GRIK1: variants seen among roughly 807,000 people sequenced by gnomAD.
GRIK1 encodes the protein glutamate receptor ionotropic, kainate 1.
GRIK1 carries 69 observed loss-of-function variants against 105.7 expected under a neutral mutation model. The ratio of observed to expected loss-of-function variants is 0.65; its 90% confidence interval spans 0.54 to 0.80. The LOEUF (loss-of-function observed/expected upper bound fraction) is 0.80. Among genes scored for constraint, GRIK1 ranks in the 30% least tolerant of loss-of-function variants. The probability of loss-of-function intolerance (pLI) is 0.00; values close to 1 mark genes in which losing one functional copy is unlikely to be tolerated. For missense variants in GRIK1, 1,109 were observed against 1,167.3 expected (o/e 0.95, Z 0.73); for synonymous variants, 438 against 431.3 (o/e 1.02, Z -0.19).
intron 16 of GRIK1, among the ~76,000 whole-genome samples, chr21:29,545,751 A>C (rs1308405962): frequency 6.6e-6 from 1 of 152,164 alleles, no homozygotes; most frequent in Non-Finnish European, 1.5e-5. Context: ...TCGGGGTACC[A>C]GTTTATGCCT....
chr21:29,880,480 A>G (rs2069366680), intron 1 of GRIK1, among the ~76,000 whole-genome samples: 1 of 152,148 alleles, frequency 6.6e-6, no homozygotes, highest in Non-Finnish European at 1.5e-5. Context: ...AGATGTTTTT[A>G]GGTTTGAATT....
At chr21:29,776,492 T>TTATG (rs2065946662) in intron 1 of GRIK1, among the ~76,000 whole-genome samples, 1 of 152,200 alleles carries the variant, frequency 6.6e-6, no homozygotes, top group Admixed American at 6.5e-5. Flanking sequence ...CAATTTTTAT[T>TTATG]TATGGAGTTG....
At chr21:29,605,763 A>G (rs1400723701) in intron 7 of GRIK1, among the ~76,000 whole-genome samples, 1 of 152,124 alleles carries the variant, frequency 6.6e-6, no homozygotes, top group East Asian at 1.9e-4. Flanking sequence ...AAGAATGTAA[A>G]TCCTCCCTTC....
At chr21:29,871,910 TGCTCCAGCATGCCTG>T (rs2146138703) in intron 1 of GRIK1, among the ~76,000 whole-genome samples, 1 of 151,684 alleles carries the variant, frequency 6.6e-6, no homozygotes, top group Non-Finnish European at 1.5e-5. Context: ...ACAACAGGCA[TGCTCCAGCATGCCTG>T]GCTAATTTTT....
In GRIK1 at chr21:29,601,972, G is replaced by A. The variant is rs556429455; in HGVS notation, c.1099-3035C>T. ...TTTACTTTTCTGTCTTCTGTCACTC[G>A]TTTCTCTCTTTTAACCCATAATTTC... is the stretch of plus-strand genomic sequence containing the variant. On this transcript the variant is annotated intron_variant, in intron 7 of 17. Transcript: ENST00000327783. Among the ~76,000 whole-genome samples the A allele has an allele frequency of 2.5e-3, 374 of 152,014 alleles. 2 individuals are homozygous for A. Among genetic ancestry groups the A allele is most frequent in the African/African-American group, 7.9e-3 (327 of 41,460 alleles).
chr21:29,548,965 T>A (rs2090087637), intron 16 of GRIK1, among the ~76,000 whole-genome samples: 1 of 152,206 alleles, frequency 6.6e-6, no homozygotes, highest in Admixed American at 6.5e-5. Flanking sequence ...AGAAGCAAAC[T>A]TATTAGGAAA....
intron 1 of GRIK1, among the ~76,000 whole-genome samples, chr21:29,874,716 T>C (rs1482827614): frequency 1.3e-5 from 2 of 152,180 alleles, no homozygotes; most frequent in African/African-American, 4.8e-5. Flanking sequence ...GCAGTAATTC[T>C]GTATGTGGAG....
intron 10 of GRIK1, among the ~76,000 whole-genome samples, chr21:29,589,326 G>T (rs1268198457): frequency 6.6e-6 from 1 of 152,096 alleles, no homozygotes; most frequent in Non-Finnish European, 1.5e-5. Flanking sequence ...TTAAATGTTG[G>T]GTCTGAGAAG....
chr21:29,927,142 C>T (rs956350204), intron 1 of GRIK1, among the ~76,000 whole-genome samples: 1 of 152,038 alleles, frequency 6.6e-6, no homozygotes, highest in Non-Finnish European at 1.5e-5. Flanking sequence ...ATTGCCTTGC[C>T]CAGTTATTCG....
At chr21:29,560,014 G>A (rs1165196767) in intron 15 of GRIK1, among the ~76,000 whole-genome samples, 4 of 152,068 alleles carry the variant, frequency 2.6e-5, no homozygotes, top group Admixed American at 2.0e-4. Flanking sequence ...GCCTCTGTAA[G>A]CATTTTAGTT....
At chr21:29,663,374 G>A (rs886576766) in intron 4 of GRIK1, among the ~76,000 whole-genome samples, 2 of 152,154 alleles carry the variant, frequency 1.3e-5, no homozygotes, top group African/African-American at 4.8e-5. Context: ...CTGTCTACCC[G>A]TGAGGGAGCC....
intron 1 of GRIK1, among the ~76,000 whole-genome samples, chr21:29,714,559 C>T (rs1007236129): frequency 6.6e-6 from 1 of 152,088 alleles, no homozygotes; most frequent in Non-Finnish European, 1.5e-5. Flanking sequence ...TTTGGCTTCA[C>T]CAAGAGTAGG....
chr21:29,661,276 G>T (rs1233217618), intron 4 of GRIK1, among the ~76,000 whole-genome samples: 2 of 152,188 alleles, frequency 1.3e-5, no homozygotes, highest in African/African-American at 2.4e-5. Context: ...CCAAATAATG[G>T]TTCTCTAAAG....
intron 7 of GRIK1, among the ~76,000 whole-genome samples, chr21:29,618,882 C>A (rs1440653188): frequency 6.6e-6 from 1 of 152,174 alleles, no homozygotes; most frequent in Non-Finnish European, 1.5e-5. Flanking sequence ...AATCCCAGCA[C>A]TTTGGGAGGC....
chr21:29,782,096 T>G (rs989778898), intron 1 of GRIK1, among the ~76,000 whole-genome samples: 11 of 150,910 alleles, frequency 7.3e-5, no homozygotes, highest in Non-Finnish European at 1.3e-4. Context: ...CTTTTTTTTT[T>G]TTTTTTCTGA....
At chr21:29,595,425 T>C (rs1000590200) in intron 9 of GRIK1, among the ~76,000 whole-genome samples, 1 of 151,528 alleles carries the variant, frequency 6.6e-6, no homozygotes, top group African/African-American at 2.4e-5. Context: ...CCAGATCGCC[T>C]TCTACATGCA....
intron 4 of GRIK1, among the ~76,000 whole-genome samples, chr21:29,669,624 G>T (rs915054359): frequency 5.3e-5 from 8 of 152,258 alleles, no homozygotes; most frequent in African/African-American, 1.9e-4. Flanking sequence ...CCTTATATGG[G>T]TCACTTATCC....
At chr21:29,829,415 T>C (rs1431747259) in intron 1 of GRIK1, among the ~76,000 whole-genome samples, 1 of 152,184 alleles carries the variant, frequency 6.6e-6, no homozygotes, top group African/African-American at 2.4e-5. Flanking sequence ...ATAGTAATGG[T>C]GATAAGCTCT....
At chr21:29,882,270 A>G (rs2069443149) in intron 1 of GRIK1, among the ~76,000 whole-genome samples, 1 of 152,116 alleles carries the variant, frequency 6.6e-6, no homozygotes, top group Admixed American at 6.6e-5. Context: ...GATGACTACC[A>G]TATTATTCCT....
Sources: allele counts gnomAD v4.1 joint callset (sites outside exome capture counted in the v4.1 genomes callset), GRCh38; gene constraint gnomAD v4.1.1; transcripts MANE v1.5; gene names NCBI Gene and HGNC (gene_info 2026-07-23, HGNC 2026-07-21).